NAMPT: variants seen among roughly 807,000 people sequenced by gnomAD.
NAMPT encodes the protein NAmPRTase.
A neutral mutation model predicts 58.7 loss-of-function variants in NAMPT; 7 were observed. The observed-to-expected ratio is 0.12, with a 90% confidence interval of 0.07 to 0.22. NAMPT has a LOEUF of 0.22. Ranked by LOEUF, NAMPT falls within the 10% of genes least tolerant of loss-of-function variation. The pLI is 1.00. For missense variants in NAMPT, 271 were observed against 567.9 expected, an observed-to-expected ratio of 0.48 and a Z score of 5.31; for synonymous variants, 145 against 198.1, an observed-to-expected ratio of 0.73 and a Z score of 2.25.
intron 7 of NAMPT, 101 bp downstream of exon 7, chr7:106,263,291 T>C: frequency 1.2e-6 from 1 of 836,642 alleles, no homozygotes; most frequent in Admixed American, 2.4e-5. Flanking sequence ...AGGGGACTGG[T>C]CCACACAGCT....
chr7:106,282,025 A>G (rs1792774946), intron 1 of NAMPT, among the ~76,000 whole-genome samples: 1 of 152,188 alleles, frequency 6.6e-6, no homozygotes, highest in Non-Finnish European at 1.5e-5. Flanking sequence ...AAATTGAAAT[A>G]TATGTACAAT....
chr7:106,283,224 G>C (rs950446066), intron 1 of NAMPT, among the ~76,000 whole-genome samples: 7 of 151,950 alleles, frequency 4.6e-5, no homozygotes, highest in African/African-American at 1.5e-4. Flanking sequence ...TATTAAATAG[G>C]TGCAAATTCT....
Position 106,254,286 on chromosome 7 carries a change from C to T in NAMPT, c.1230+78G>A, listed in dbSNP as rs148167342. ...AGTCCACGGCCACATCAATCTTTGA[C>T]AAATGCACTCAATAACCACATTCTA... On this transcript the variant is annotated intron_variant, in intron 9 of 10. Transcript: ENST00000222553. 762 of 1,513,376 alleles carry T rather than the reference C, an allele frequency of 5.0e-4. 6 individuals are homozygous for T. In the African/African-American group the frequency reaches 9.7e-3, roughly 19 times the overall value. The allele number at this position is 1,513,376 out of a possible 1,614,324, so 93.7% of individuals were successfully genotyped here.
chr7:106,280,242 T>TA (rs1343431880), intron 1 of NAMPT, among the ~76,000 whole-genome samples: 2 of 152,188 alleles, frequency 1.3e-5, no homozygotes, highest in Non-Finnish European at 2.9e-5. Flanking sequence ...ACTACGCCGA[T>TA]AAATTGGATG....
At chr7:106,283,700 T>C (rs777745326) in intron 1 of NAMPT, among the ~76,000 whole-genome samples, 1 of 152,232 alleles carries the variant, frequency 6.6e-6, no homozygotes, top group Non-Finnish European at 1.5e-5. Context: ...AGACAACTTG[T>C]TGATGGATCT....
chr7:106,262,176 G>A (rs1792316273), intron 7 of NAMPT, among the ~76,000 whole-genome samples: 1 of 152,082 alleles, frequency 6.6e-6, no homozygotes, highest in African/African-American at 2.4e-5. Context: ...GAGAAACTGT[G>A]AAAGGCAGAC....
intron 6 of NAMPT, among the ~76,000 whole-genome samples, chr7:106,265,846 T>G (rs182525391): frequency 6.6e-6 from 1 of 152,332 alleles, no homozygotes; most frequent in African/African-American, 2.4e-5. Context: ...ATTTGATACC[T>G]TTCCAAAGTT....
At chr7:106,261,546 A>G (rs369460307) in intron 8 of NAMPT, 42 bp downstream of exon 8, 23 of 1,406,340 alleles carry the variant, frequency 1.6e-5, no homozygotes, top group African/African-American at 2.9e-5. Context: ...AAACTTAATT[A>G]TAAGAAATGC....
At chr7:106,264,830 T>A (rs1792379287) in intron 6 of NAMPT, among the ~76,000 whole-genome samples, 1 of 151,966 alleles carries the variant, frequency 6.6e-6, no homozygotes, top group African/African-American at 2.4e-5. Flanking sequence ...CATAACTGTT[T>A]GAAGAGTCAG....
chr7:106,268,298 TCTAAGA>T (rs1285567480), intron 6 of NAMPT, 160 bp downstream of exon 6: 2 of 601,838 alleles, frequency 3.3e-6, no homozygotes, highest in Non-Finnish European at 5.6e-6. Flanking sequence ...TCTCTGCCTC[TCTAAGA>T]CTAATGTTTA....
rs1433342021 is a variant in NAMPT at position 106,249,122 on chromosome 7, T to C, written c.*1961A>G. 6.6e-6 allele frequency: 1 copy of C among 152,396 alleles called. No homozygotes were observed. The highest frequency in any genetic ancestry group is 1.9e-4 in the East Asian group (1 of 5,194). The allele number at this position is 152,396 out of a possible 1,614,324, so 9.4% of individuals were successfully genotyped here. On this transcript the variant is annotated 3_prime_UTR_variant, in exon 11 of 11. Coordinates refer to ENST00000222553, the MANE Select transcript of NAMPT (RefSeq NM_005746.3). Reference sequence around the variant, plus strand: ...GATTCTTTACACGCCCCTTAGCACATTTTGTGAAGAAATGTGTGTTTTTCT... The same window carrying C: ...GATTCTTTACACGCCCCTTAGCACACTTTGTGAAGAAATGTGTGTTTTTCT...
intron 8 of NAMPT, among the ~76,000 whole-genome samples, chr7:106,258,951 G>A (rs1330851346): frequency 1.3e-5 from 2 of 152,200 alleles, no homozygotes; most frequent in Non-Finnish European, 2.9e-5. Context: ...TTGCGATGCT[G>A]TTTGGTACGA....
intron 3 of NAMPT, among the ~76,000 whole-genome samples, 160 bp from the exon 4 acceptor site, chr7:106,272,818 C>G (rs963720086): frequency 1.3e-5 from 2 of 152,144 alleles, no homozygotes; most frequent in Non-Finnish European, 2.9e-5. Context: ...CCTTATCCTT[C>G]TAAAATAAAA....
At chr7:106,277,861 A>G (rs751369017) in intron 1 of NAMPT, among the ~76,000 whole-genome samples, 1 of 152,242 alleles carries the variant, frequency 6.6e-6, no homozygotes, top group Non-Finnish European at 1.5e-5. Flanking sequence ...CTTGGGTAAG[A>G]GCCACCATGT....
intron 1 of NAMPT, among the ~76,000 whole-genome samples, chr7:106,280,320 A>G (rs1336161001): frequency 2.6e-5 from 4 of 152,216 alleles, no homozygotes; most frequent in Non-Finnish European, 5.9e-5. Context: ...TGCATTAATA[A>G]GAGTGCCATT....
rs1387714712 is a variant in NAMPT at position 106,250,006 on chromosome 7, T to C, written c.*1077A>G. ...AAGAATGTGCTTCAGTATTACTTAT[T>C]GAGGGCATTCAGTTTAAAATTAATA... On this transcript the variant is annotated 3_prime_UTR_variant, in exon 11 of 11. Transcript: ENST00000222553. 6.6e-6 allele frequency: 1 copy of C among 152,122 alleles called. No homozygotes were observed. The highest frequency in any genetic ancestry group is 1.5e-5 in the Non-Finnish European group (1 of 67,964). 9.4% of individuals were successfully genotyped at this position (152,122 alleles called of 1,614,324 possible).
At chr7:106,261,211 C>A (rs945238466) in intron 8 of NAMPT, among the ~76,000 whole-genome samples, 2 of 152,142 alleles carry the variant, frequency 1.3e-5, no homozygotes, top group African/African-American at 4.8e-5. Flanking sequence ...TGAAAAAGCA[C>A]CCATTAATAT....
At chr7:106,266,045 T>C (rs750231772) in intron 6 of NAMPT, among the ~76,000 whole-genome samples, 26 of 152,162 alleles carry the variant, frequency 1.7e-4, no homozygotes, top group Non-Finnish European at 3.2e-4. Flanking sequence ...TTTTGTTTGG[T>C]TGGATGGAAG....
intron 10 of NAMPT, among the ~76,000 whole-genome samples, chr7:106,251,495 T>TC (rs1215057106): frequency 1.3e-5 from 2 of 152,188 alleles, no homozygotes; most frequent in South Asian, 4.1e-4. Flanking sequence ...ATCTTTTTTT[T>TC]CCTCAGGCTG....
Sources: gnomAD v4.1 joint callset for allele counts (sites outside exome capture counted in the v4.1 genomes callset) on GRCh38, gnomAD v4.1.1 for gene constraint, MANE v1.5 for transcripts, NCBI Gene and HGNC (gene_info 2026-07-23, HGNC 2026-07-21) for gene names.